Variants in MVP observed in about 807,000 individuals in gnomAD.
The protein encoded by MVP is major vault protein.
A neutral mutation model predicts 83.5 loss-of-function variants in MVP; 62 were observed. The observed-to-expected ratio is 0.74, with a 90% CI of 0.61 to 0.92. The LOEUF (loss-of-function observed/expected upper bound fraction) is 0.92. MVP is among the 40% of genes least tolerant of loss of function. The probability of loss-of-function intolerance (pLI) is 0.00; values close to 1 mark genes in which losing one functional copy is unlikely to be tolerated. For missense variants in MVP, 1,000 were observed against 1,203.4 expected (o/e 0.83, Z 2.50); for synonymous variants, 505 against 504.1 (o/e 1.00, Z -0.02).
At chr16:29,845,106 T>G (rs2150761116) in intron 11 of MVP, among the ~76,000 whole-genome samples, 1 of 151,428 alleles carries the variant, frequency 6.6e-6, no homozygotes. Flanking sequence ...GAAGATCACT[T>G]GAAGCCAGGA....
chr16:29,838,282 A>G (rs1013309476), intron 7 of MVP, among the ~76,000 whole-genome samples: 1 of 152,056 alleles, frequency 6.6e-6, no homozygotes, highest in African/African-American at 2.4e-5. Flanking sequence ...AAAAATACAA[A>G]AAAATTAGCT....
intron 1 of MVP, among the ~76,000 whole-genome samples, chr16:29,827,582 C>T (rs1456760951): frequency 1.3e-5 from 2 of 152,198 alleles, no homozygotes; most frequent in Non-Finnish European, 2.9e-5. Context: ...TAGAGCTCTA[C>T]TGTCCAGTAT....
At position 29,841,542 on chromosome 16, in the gene MVP, A is replaced by G; in HGVS notation, c.1192-54A>G. 1.3e-6 allele frequency: 2 copies of G among 1,519,974 alleles called. No homozygotes were observed. The highest frequency in any genetic ancestry group is 1.8e-6 in the Non-Finnish European group (2 of 1,134,686). 94.2% of individuals were successfully genotyped at this position (1,519,974 alleles called of 1,614,324 possible). On this transcript the variant is annotated intron_variant, in intron 8 of 14. Transcript: ENST00000357402. The surrounding 1 kb of genome is among the most constrained non-coding windows in gnomAD (Gnocchi z 4.7). ...GCTCTGCTTTGGGACAGCTGGGCGG[A>G]TCTTCCTCCCTTCCACCCTTACGGG...
chr16:29,821,564 G>T (rs2067361555), intron 1 of MVP, among the ~76,000 whole-genome samples: 3 of 152,174 alleles, frequency 2.0e-5, no homozygotes. Context: ...CACCATCTGG[G>T]CAGTACACAG....
chr16:29,836,977 C>T lies in MVP; in HGVS notation c.909+19C>T. On this transcript the variant is annotated intron_variant, in intron 7 of 14. Coordinates refer to ENST00000357402, the MANE Select transcript of MVP (RefSeq NM_005115.5). ...GGTCAAGGTGAGGTCCCTACACCCCCACAGAGGACTGCCCTGGGAGATGTA... is the reference window on the plus strand; with the variant it reads ...GGTCAAGGTGAGGTCCCTACACCCCTACAGAGGACTGCCCTGGGAGATGTA... 1 of 1,593,764 alleles carries T rather than the reference C, an allele frequency of 6.3e-7. No individual in the cohort carries two copies. The highest frequency in any genetic ancestry group is 8.6e-7 in the Non-Finnish European group (1 of 1,165,998).
intron 3 of MVP, chr16:29,831,699 A>G: frequency 1.1e-5 from 5 of 456,116 alleles, no homozygotes; most frequent in South Asian, 6.2e-5. Context: ...ACATGTGCCA[A>G]GGTTAAGCAG....
chr16:29,844,308 G>A (rs544887418), intron 10 of MVP, among the ~76,000 whole-genome samples, 185 bp from the exon 11 acceptor site: 41 of 152,232 alleles, frequency 2.7e-4, no homozygotes, highest in African/African-American at 7.7e-4. Flanking sequence ...AGTTCTTCTC[G>A]GAGAGAGTTG....
At chr16:29,840,629 C>A (rs1312786066) in intron 8 of MVP, among the ~76,000 whole-genome samples, 170 bp downstream of exon 8, 1 of 152,116 alleles carries the variant, frequency 6.6e-6, no homozygotes. Context: ...CATCCTTCTG[C>A]CTTAAATGTC....
At position 29,831,014 on chromosome 16, in the gene MVP, C is replaced by G. The variant is rs1567389229; in HGVS notation, c.262C>G (p.Leu88Val). The change falls in exon 3 of 15, where the codon CTC (leucine) becomes GTC (valine). Residue 88 changes from leucine to valine, a missense_variant. Leu to Val is a conservative substitution (Grantham distance 32, BLOSUM62 1). Transcript: ENST00000357402. ...TGQVRLRHAD[L>V]EIRLAQDPFP... ...GCAAGTTCGGCTTCGCCACGCTGAC[C>G]TCGAGATCCGGCTGGCCCAGGACCC... 1.2e-6 allele frequency: 2 copies of G among 1,613,940 alleles called. No individual in the cohort carries two copies. Among genetic ancestry groups the G allele is most frequent in the Non-Finnish European group, 1.7e-6 (2 of 1,180,014 alleles).
chr16:29,846,299 G>A lies in MVP; in HGVS notation c.2265+15G>A, dbSNP rs2067585492. On this transcript the variant is annotated intron_variant, in intron 13 of 14. Coordinates refer to ENST00000357402, the MANE Select transcript of MVP (RefSeq NM_005115.5). ...CCATTGAAACGGTGAGTGGGGGGAG[G>A]CATTAAGAAGAGGGTGGCCTTGAGT... The A allele has an allele frequency of 6.5e-7, 1 of 1,549,628 alleles. No individual in the cohort carries two copies. Among genetic ancestry groups the A allele is most frequent in the Admixed American group, 2.0e-5 (1 of 50,914 alleles).
chr16:29,843,185 A>T (rs1355488226), intron 10 of MVP, among the ~76,000 whole-genome samples: 1 of 152,094 alleles, frequency 6.6e-6, no homozygotes, highest in Non-Finnish European at 1.5e-5. Flanking sequence ...GGGTGAGATA[A>T]GTCATGTACA....
At chr16:29,844,938 C>T (rs115162322) in intron 11 of MVP, 59 bp downstream of exon 11, 3 of 1,537,246 alleles carry the variant, frequency 2.0e-6, no homozygotes, top group Non-Finnish European at 2.6e-6. Flanking sequence ...CTGCTGGGAA[C>T]TGGATAACCT....
At chr16:29,838,304 C>A (rs530221555) in intron 7 of MVP, among the ~76,000 whole-genome samples, 1 of 152,066 alleles carries the variant, frequency 6.6e-6, no homozygotes, top group Non-Finnish European at 1.5e-5. Context: ...GGCATGGTGT[C>A]AGGCACCTGT....
In MVP at chr16:29,840,348, CGGACCCCT is replaced by C. The variant is rs773645981; in HGVS notation, c.1084_1091del (p.Pro362ValfsTer75). 1 of 1,608,560 alleles carries C rather than the reference CGGACCCCT, an allele frequency of 6.2e-7. No individual in the cohort carries two copies. The highest frequency in any genetic ancestry group is 8.5e-7 in the Non-Finnish European group (1 of 1,177,950). On this transcript the variant is annotated frameshift_variant, in exon 8 of 15. Transcript: ENST00000357402. LOFTEE classifies it high-confidence loss of function. ...AGGCTGGGGACCACTGGCTCATCCG[CGGACCCCT>C]GGAGTATGTGCCATCTGCCAAAGTG...
In MVP at chr16:29,844,842, A is replaced by C. The variant is rs776709735; in HGVS notation, c.1984A>C (p.Ile662Leu). 6.2e-7 allele frequency: 1 copy of C among 1,605,654 alleles called. No homozygotes were observed. The highest frequency in any genetic ancestry group is 1.3e-5 in the African/African-American group (1 of 75,044). The part of the protein sequence containing the change: ...DALQRSVQLA[I>L]EITTNSQEAA... Reference sequence around the variant, plus strand: ...CCTGCAACGCAGCGTCCAGCTGGCCATCGAGATCACCACCAACTCCCAGGA... The same window carrying C: ...CCTGCAACGCAGCGTCCAGCTGGCCCTCGAGATCACCACCAACTCCCAGGA... Residue 662 changes from isoleucine to leucine, a missense_variant, in exon 11 of 15, where the codon ATC becomes CTC. By Grantham distance (5) the Ile-to-Leu change is conservative. Coordinates refer to ENST00000357402, the MANE Select transcript of MVP (RefSeq NM_005115.5).
At chr16:29,842,899 G>A (rs929472316) in intron 10 of MVP, among the ~76,000 whole-genome samples, 12 of 152,164 alleles carry the variant, frequency 7.9e-5, no homozygotes, top group East Asian at 3.8e-4. Context: ...CGTAACTGTC[G>A]GGCTGTTAAA....
At chr16:29,837,489 C>G (rs950738408) in intron 7 of MVP, among the ~76,000 whole-genome samples, 1 of 152,200 alleles carries the variant, frequency 6.6e-6, no homozygotes, top group African/African-American at 2.4e-5. Flanking sequence ...CACAGTGGCT[C>G]ATACGTGTAA....
chr16:29,841,492 C>G lies in MVP; in HGVS notation c.1192-104C>G. The G allele has an allele frequency of 1.4e-6, 2 of 1,425,918 alleles. No individual in the cohort carries two copies. Among genetic ancestry groups the G allele is most frequent in the South Asian group, 2.9e-5 (2 of 68,030 alleles). 88.3% of individuals were successfully genotyped at this position (1,425,918 alleles called of 1,614,324 possible). On this transcript the variant is annotated intron_variant, in intron 8 of 14. Coordinates refer to ENST00000357402, the MANE Select transcript of MVP (RefSeq NM_005115.5). The surrounding 1 kb of genome is among the most constrained non-coding windows in gnomAD (Gnocchi z 4.7). ...CCTCCCCGTAGAGAAGGTGTTTAAC[C>G]TCGTGGCGCGCCTTCCCTGGATGGG...
intron 5 of MVP, 182 bp downstream of exon 5, chr16:29,834,248 A>T (rs896159977): frequency 2.7e-5 from 22 of 813,532 alleles, no homozygotes; most frequent in Admixed American, 1.2e-4. Flanking sequence ...TGCTGTTTCC[A>T]CTTGGGCTGG....
Sources: gnomAD v4.1 joint callset for allele counts (sites outside exome capture counted in the v4.1 genomes callset) on GRCh38, gnomAD v4.1.1 for gene constraint, Gnocchi (gnomAD v3.1) non-coding constraint, MANE v1.5 for transcripts, NCBI Gene and HGNC (gene_info 2026-07-23, HGNC 2026-07-21) for gene names.